The following KSR1 variants were observed in gnomAD, a reference collection of about 807,000 sequenced individuals.
The protein encoded by KSR1 is kinase suppressor of ras 1.
A neutral mutation model predicts 92.9 loss-of-function variants in KSR1; 35 were observed. The observed-to-expected ratio is 0.38, with a 90% CI of 0.29 to 0.50. The LOEUF (loss-of-function observed/expected upper bound fraction) is 0.50, where lower values mean the gene tolerates loss of function less well. KSR1 is among the 20% of genes least tolerant of loss of function. The pLI, the probability that KSR1 is intolerant of heterozygous loss-of-function variation, is 0.94. For synonymous variants in KSR1, 467 were observed against 472.6 expected (o/e 0.99, Z 0.15); for missense variants, 972 against 1,158.5 (o/e 0.84, Z 2.34).
intron 1 of KSR1, among the ~76,000 whole-genome samples, chr17:27,467,866 C>T (rs1055625848): frequency 2.0e-5 from 3 of 150,718 alleles, no homozygotes; most frequent in East Asian, 2.0e-4. Flanking sequence ...GCTGTAGTTC[C>T]GTGGCGCAAT....
At chr17:27,583,213 CAAAAGT>C in intron 4 of KSR1, 108 bp downstream of exon 4, 1 of 759,342 alleles carries the variant, frequency 1.3e-6, no homozygotes, top group Non-Finnish European at 2.1e-6. Context: ...TGTGTAAAGT[CAAAAGT>C]AAAAGGTGCC....
chr17:27,588,397 T>C, intron 5 of KSR1, 78 bp from the exon 6 acceptor site: 1 of 1,322,932 alleles, frequency 7.6e-7, no homozygotes, highest in Non-Finnish European at 1.0e-6. Flanking sequence ...GCCTGTGGTC[T>C]CTGAATTAGG....
intron 3 of KSR1, among the ~76,000 whole-genome samples, chr17:27,580,825 G>A (rs1325899649): frequency 1.3e-5 from 2 of 152,138 alleles, no homozygotes; most frequent in African/African-American, 4.8e-5. Context: ...GGAGTGCAGT[G>A]GCGCGATCTT....
At chr17:27,601,884 A>T in intron 11 of KSR1, 6 of 1,605,974 alleles carry the variant, frequency 3.7e-6, no homozygotes, top group Non-Finnish European at 5.1e-6. Flanking sequence ...TCTGTGCCTT[A>T]CCACACAGTG....
chr17:27,481,937 A>G (rs978270621), intron 1 of KSR1, among the ~76,000 whole-genome samples: 2 of 152,308 alleles, frequency 1.3e-5, no homozygotes, highest in East Asian at 1.9e-4. Context: ...CCTGAGTGCT[A>G]TGATGCTAGT....
intron 2 of KSR1, 89 bp downstream of exon 2, chr17:27,550,797 C>T (rs998986126): frequency 5.8e-6 from 4 of 684,426 alleles, no homozygotes; most frequent in Admixed American, 2.0e-5. Flanking sequence ...TTCCCCGTGG[C>T]TAAGACTAAG....
chr17:27,527,404 CCT>C (rs1555576841), intron 1 of KSR1, among the ~76,000 whole-genome samples: 2 of 114,334 alleles, frequency 1.7e-5, no homozygotes, highest in East Asian at 6.2e-4. Flanking sequence ...CCCCCCCCCC[CCT>C]TTTTTTTCTT....
intron 1 of KSR1, among the ~76,000 whole-genome samples, chr17:27,548,133 C>T (rs553413118): frequency 7.9e-5 from 12 of 151,188 alleles, no homozygotes; most frequent in East Asian, 7.8e-4. Context: ...CGATGGCTCA[C>T]GCCTGTAATC....
intron 10 of KSR1, among the ~76,000 whole-genome samples, chr17:27,600,954 G>A (rs2073534831): frequency 6.6e-6 from 1 of 152,216 alleles, no homozygotes; most frequent in Non-Finnish European, 1.5e-5. Flanking sequence ...GAGTGGTAAG[G>A]TTGAGACACT....
At chr17:27,588,605 T>C in intron 6 of KSR1, 70 bp downstream of exon 6, 1 of 1,372,914 alleles carries the variant, frequency 7.3e-7, no homozygotes, top group Admixed American at 2.2e-5. Context: ...CCAGGAGTTC[T>C]GGTCACTGTT....
At chr17:27,492,261 G>A (rs2068854625) in intron 1 of KSR1, among the ~76,000 whole-genome samples, 1 of 152,224 alleles carries the variant, frequency 6.6e-6, no homozygotes, top group Non-Finnish European at 1.5e-5. Flanking sequence ...GAGCAAAGCT[G>A]GAGGCAGCCC....
At chr17:27,477,352 G>A (rs1019800303) in intron 1 of KSR1, among the ~76,000 whole-genome samples, 2 of 152,152 alleles carry the variant, frequency 1.3e-5, no homozygotes, top group African/African-American at 4.8e-5. Flanking sequence ...GAGTTGCTCT[G>A]GTTCACATGC....
At position 27,518,067 on chromosome 17, in the gene KSR1, G is replaced by A. The variant is rs143153649; in HGVS notation, c.232-32501G>A. ...GACCTTCTAGTTTCAGACAGCATCT[G>A]TCTCAGTGAGTGAAGACTTAAAAAA... On this transcript the variant is annotated intron_variant, in intron 1 of 20. Transcript: ENST00000644974. Among the ~76,000 whole-genome samples the A allele has an allele frequency of 5.6e-3, 848 of 152,358 alleles. 4 individuals are homozygous for A. Among genetic ancestry groups the A allele is most frequent in the Admixed American group, 9.1e-3 (139 of 15,304 alleles).
At chr17:27,611,291 C>T (rs767441720) in intron 17 of KSR1, 30 of 601,254 alleles carry the variant, frequency 5.0e-5, no homozygotes, top group Non-Finnish European at 8.7e-5. Flanking sequence ...CTCAGACTTC[C>T]CACCCAACGA....
intron 1 of KSR1, among the ~76,000 whole-genome samples, chr17:27,480,047 T>C (rs1367778825): frequency 6.6e-6 from 1 of 152,326 alleles, no homozygotes; most frequent in East Asian, 1.9e-4. Context: ...GCAAGTCAGC[T>C]CTTTTGCATC....
At chr17:27,588,937 C>T (rs374082129) in intron 6 of KSR1, among the ~76,000 whole-genome samples, 4 of 152,162 alleles carry the variant, frequency 2.6e-5, no homozygotes, top group South Asian at 2.1e-4. Context: ...TCCAGATTCC[C>T]GGGCTCCACC....
intron 2 of KSR1, among the ~76,000 whole-genome samples, chr17:27,576,672 G>C (rs2072519785): frequency 6.6e-6 from 1 of 152,184 alleles, no homozygotes; most frequent in Non-Finnish European, 1.5e-5. Flanking sequence ...GGATGGAGCT[G>C]GATGGCGCAA....
At chr17:27,599,887 C>A (rs954553656) in intron 10 of KSR1, among the ~76,000 whole-genome samples, 2 of 151,360 alleles carry the variant, frequency 1.3e-5, no homozygotes, top group East Asian at 3.9e-4. Flanking sequence ...ACTTTTTAAA[C>A]TTTTTTGTTA....
chr17:27,540,378 G>A (rs1455652574), intron 1 of KSR1, among the ~76,000 whole-genome samples: 2 of 152,222 alleles, frequency 1.3e-5, no homozygotes, highest in African/African-American at 4.8e-5. Flanking sequence ...AGGAGGCCCT[G>A]AGCTCCCAGC....
Sources: allele counts gnomAD v4.1 joint callset (sites outside exome capture counted in the v4.1 genomes callset), GRCh38; gene constraint gnomAD v4.1.1; transcripts MANE v1.5; gene names NCBI Gene and HGNC (gene_info 2026-07-23, HGNC 2026-07-21).